TNR: variants seen among roughly 807,000 people sequenced by gnomAD.
The protein encoded by TNR is tenascin-R.
TNR carries 45 observed loss-of-function variants against 150.4 expected under a neutral mutation model. The observed-to-expected ratio is 0.30, with a 90% confidence interval of 0.24 to 0.38. The LOEUF is 0.38. Ranked by LOEUF, TNR falls within the 10% of genes least tolerant of loss-of-function variation. The probability of loss-of-function intolerance (pLI) is 1.00; values close to 1 mark genes in which losing one functional copy is unlikely to be tolerated. For synonymous variants in TNR, 687 were observed against 678.4 expected (o/e 1.01, Z -0.20); for missense variants, 1,544 against 1,759.1 (o/e 0.88, Z 2.19).
chr1:175,699,309 T>C (rs2101925477), intron 1 of TNR, among the ~76,000 whole-genome samples: 1 of 151,930 alleles, frequency 6.6e-6, no homozygotes, highest in East Asian at 1.9e-4. Flanking sequence ...TGTAGGAGAG[T>C]GAATGGACAG....
rs370250417 is a variant in TNR at position 175,495,132 on chromosome 1, C to G, written c.-64+33137G>C. Among the ~76,000 whole-genome samples the G allele has an allele frequency of 1.9e-4, 29 of 152,242 alleles. No individual in the cohort carries two copies. In the East Asian group the frequency reaches 3.7e-3, roughly 19 times the overall value. Reference sequence around the variant, plus strand: ...GCCTGCCCAGTGACTCATACTGGGCCAGGCAAGTGTGAAGAGACGAGTTGT... The same window carrying G: ...GCCTGCCCAGTGACTCATACTGGGCGAGGCAAGTGTGAAGAGACGAGTTGT... On this transcript the variant is annotated intron_variant, in intron 2 of 22. Coordinates refer to ENST00000367674, the MANE Select transcript of TNR (RefSeq NM_003285.3).
At chr1:175,464,282 T>A (rs1208819228) in intron 2 of TNR, among the ~76,000 whole-genome samples, 1 of 152,238 alleles carries the variant, frequency 6.6e-6, no homozygotes, top group Admixed American at 6.5e-5. Context: ...TGGGTTAACC[T>A]TTGTCCTAGG....
intron 1 of TNR, among the ~76,000 whole-genome samples, chr1:175,707,286 A>C (rs1187980286): frequency 1.3e-5 from 2 of 152,032 alleles, no homozygotes; most frequent in Non-Finnish European, 1.5e-5. Flanking sequence ...TTCTTAATAT[A>C]CTCTGAATGT....
At chr1:175,464,011 C>T (rs1656926938) in intron 2 of TNR, among the ~76,000 whole-genome samples, 1 of 152,192 alleles carries the variant, frequency 6.6e-6, no homozygotes. Context: ...CATGGATATG[C>T]TGTCAAAAAG....
intron 4 of TNR, among the ~76,000 whole-genome samples, chr1:175,401,904 A>G (rs916572115): frequency 6.6e-6 from 1 of 152,246 alleles, no homozygotes; most frequent in Non-Finnish European, 1.5e-5. Context: ...AAGACCAACC[A>G]CTTAATCTGT....
intron 2 of TNR, among the ~76,000 whole-genome samples, chr1:175,512,545 C>T (rs1373929937): frequency 6.6e-6 from 1 of 152,180 alleles, no homozygotes. Context: ...TAACCCCAGG[C>T]CCCTGAACCT....
intron 1 of TNR, among the ~76,000 whole-genome samples, chr1:175,678,998 C>T (rs551639122): frequency 2.0e-5 from 3 of 152,294 alleles, no homozygotes; most frequent in East Asian, 1.9e-4. Flanking sequence ...TCCACACTGC[C>T]GGGGAATCTC....
At chr1:175,508,939 C>G (rs1245520164) in intron 2 of TNR, among the ~76,000 whole-genome samples, 2 of 152,216 alleles carry the variant, frequency 1.3e-5, no homozygotes, top group African/African-American at 4.8e-5. Flanking sequence ...TGTGAATGAG[C>G]TCCTGGGCAG....
At chr1:175,551,585 C>A (rs941729139) in intron 1 of TNR, among the ~76,000 whole-genome samples, 1 of 152,128 alleles carries the variant, frequency 6.6e-6, no homozygotes, top group Admixed American at 6.5e-5. Flanking sequence ...CAGGAAATTG[C>A]ACAAATGACA....
At chr1:175,431,672 G>T (rs1320717287) in intron 2 of TNR, among the ~76,000 whole-genome samples, 1 of 151,278 alleles carries the variant, frequency 6.6e-6, no homozygotes, top group Non-Finnish European at 1.5e-5. Context: ...CAGGCCTCAG[G>T]CAGAGGAGGA....
At chr1:175,501,114 G>A (rs747586965) in intron 2 of TNR, among the ~76,000 whole-genome samples, 1 of 152,108 alleles carries the variant, frequency 6.6e-6, no homozygotes, top group African/African-American at 2.4e-5. Context: ...ATGCCTTTAA[G>A]TTCTCTAATT....
chr1:175,466,136 T>C (rs914642267), intron 2 of TNR, among the ~76,000 whole-genome samples: 2 of 152,162 alleles, frequency 1.3e-5, no homozygotes, highest in Admixed American at 6.5e-5. Context: ...TGCCTCTCCA[T>C]TGATCCTCAA....
At chr1:175,464,650 A>G (rs1656954675) in intron 2 of TNR, among the ~76,000 whole-genome samples, 1 of 152,244 alleles carries the variant, frequency 6.6e-6, no homozygotes, top group South Asian at 2.1e-4. Flanking sequence ...TAAGTGAACA[A>G]TAGTTCATGT....
Position 175,391,297 on chromosome 1 carries a change from C to T in TNR, c.1498G>A (p.Val500Ile), listed in dbSNP as rs151048604. Residue 500 changes from valine to isoleucine, a missense_variant, in exon 7 of 23, where the codon GTC (valine) becomes ATC (isoleucine). This residue lies in a region of TNR where 1,254 missense variants were observed against 1,329.4 expected (regional missense o/e 0.94). Transcript: ENST00000367674. Reference protein sequence around the residue: ...QARSPPTSASVSTVIDGPTQI... With the variant: ...QARSPPTSASISTVIDGPTQI... ...GGTTGGAGGCACTCACCTGTGGAGA[C>T]GCTGGCCGAGGTAGGGGGGCTGCGG... 76 of 1,613,500 alleles carry T rather than the reference C, an allele frequency of 4.7e-5. 1 individual carries two copies. The Middle Eastern group carries it at 1.5e-3, about 33-fold the overall frequency.
intron 1 of TNR, among the ~76,000 whole-genome samples, chr1:175,644,901 A>G (rs1291140927): frequency 1.3e-5 from 2 of 150,414 alleles, no homozygotes; most frequent in African/African-American, 4.9e-5. Context: ...AGTGTGTGAA[A>G]ACTGTTCTTT....
intron 1 of TNR, among the ~76,000 whole-genome samples, chr1:175,630,945 C>T (rs895221188): frequency 6.6e-6 from 1 of 152,208 alleles, no homozygotes; most frequent in Non-Finnish European, 1.5e-5. Flanking sequence ...GAGAGAAAAG[C>T]AGGGGCAAGG....
At chr1:175,564,193 T>C (rs1661545922) in intron 1 of TNR, among the ~76,000 whole-genome samples, 1 of 152,234 alleles carries the variant, frequency 6.6e-6, no homozygotes, top group Non-Finnish European at 1.5e-5. Flanking sequence ...TGGCAGCTTA[T>C]GGAAAATGAA....
At chr1:175,646,971 C>G (rs998308768) in intron 1 of TNR, among the ~76,000 whole-genome samples, 3 of 152,214 alleles carry the variant, frequency 2.0e-5, no homozygotes, top group African/African-American at 7.2e-5. Flanking sequence ...CAGGAGCTGA[C>G]CCCATCTTTC....
intron 1 of TNR, among the ~76,000 whole-genome samples, chr1:175,661,573 G>A (rs931049220): frequency 2.0e-5 from 3 of 152,010 alleles, no homozygotes; most frequent in East Asian, 1.9e-4. Flanking sequence ...GAGGCCTCCC[G>A]CTGCTTGACA....
Sources: gnomAD v4.1 joint callset for allele counts (sites outside exome capture counted in the v4.1 genomes callset) on GRCh38, gnomAD v4.1.1 for gene constraint, gnomAD v4.1.1 regional missense constraint, MANE v1.5 for transcripts, NCBI Gene and HGNC (gene_info 2026-07-23, HGNC 2026-07-21) for gene names.